TRAF5: variants seen among roughly 807,000 people sequenced by gnomAD.
TRAF5 encodes the protein TNF receptor associated factor 5, also known as TNF receptor-associated factor 5.
A neutral mutation model predicts 64.5 loss-of-function variants in TRAF5; 48 were observed. The observed-to-expected ratio is 0.74, with a 90% CI of 0.59 to 0.95. The LOEUF (loss-of-function observed/expected upper bound fraction) is 0.95, where lower values mean the gene tolerates loss of function less well. Ranked by LOEUF, TRAF5 falls within the 40% of genes least tolerant of loss-of-function variation. TRAF5 has a pLI of 0.00. For synonymous variants in TRAF5, 206 were observed against 240.5 expected, an observed-to-expected ratio of 0.86 and a Z score of 1.33; for missense variants, 545 against 662.8, an observed-to-expected ratio of 0.82 and a Z score of 1.95.
chr1:211,361,099 C>T lies in TRAF5; in HGVS notation c.633C>T (p.His211=), dbSNP rs1356281402. 6.2e-7 allele frequency: 1 copy of T among 1,614,122 alleles called. No individual in the cohort carries two copies. Among genetic ancestry groups the T allele is most frequent in the East Asian group, 2.2e-5 (1 of 44,870 alleles). ...KIILKTEVDE[H]LAVCPEAEQD... ...TATCCATTTCGTAGGTAGATGAACA[C>T]CTGGCTGTATGTCCTGAAGCTGAGC... Residue 211 remains histidine, a synonymous_variant, in exon 7 of 11, where the codon CAC becomes CAT. Transcript: ENST00000261464.
chr1:211,342,860 G>A (rs910738020), intron 1 of TRAF5, among the ~76,000 whole-genome samples: 1 of 152,192 alleles, frequency 6.6e-6, no homozygotes. Context: ...TGAATATTGT[G>A]TATAGGTACC....
Position 211,369,487 on chromosome 1 carries a change from A to G in TRAF5, c.825A>G (p.Glu275=). 1 of 1,610,028 alleles carries G rather than the reference A, an allele frequency of 6.2e-7. No homozygotes were observed. The highest frequency in any genetic ancestry group is 8.5e-7 in the Non-Finnish European group (1 of 1,178,824). Residue 275 remains glutamate, a synonymous_variant, in exon 9 of 11, where the codon GAA becomes GAG. Transcript: ENST00000261464. ...SDLHKSLEQK[E]SKIQQLAETI... ...TACACAAGAGCCTAGAACAGAAAGA[A>G]AGTAAAATCCAGCAGCTAGCAGAAA...
chr1:211,361,935 G>A (rs936788679), intron 7 of TRAF5, among the ~76,000 whole-genome samples: 3 of 151,736 alleles, frequency 2.0e-5, no homozygotes, highest in African/African-American at 4.8e-5. Flanking sequence ...GACCTCAGGC[G>A]ATGCGCCTGC....
intron 3 of TRAF5, among the ~76,000 whole-genome samples, chr1:211,355,661 G>A (rs746252881): frequency 1.3e-5 from 2 of 152,186 alleles, no homozygotes; most frequent in Non-Finnish European, 2.9e-5. Flanking sequence ...CCTGCTACCT[G>A]TTTTTGTATG....
chr1:211,364,977 A>G (rs1361785358), intron 7 of TRAF5, among the ~76,000 whole-genome samples: 1 of 152,116 alleles, frequency 6.6e-6, no homozygotes, highest in East Asian at 1.9e-4. Flanking sequence ...GTTCGAGACC[A>G]GCCTGGCCAA....
chr1:211,357,689 A>G (rs1482138798), intron 4 of TRAF5: 1 of 152,140 alleles, frequency 6.6e-6, no homozygotes, highest in African/African-American at 2.4e-5. Context: ...ATATCAACCA[A>G]TTTTGGAGAA....
At chr1:211,342,920 G>A (rs6540683) in intron 1 of TRAF5, among the ~76,000 whole-genome samples, 44,441 of 152,086 alleles carry the variant, frequency 0.29, 8,164 homozygotes, top group African/African-American at 0.53. Flanking sequence ...GTTGCTTCCA[G>A]ATCTTGGTTC....
At chr1:211,362,199 A>G (rs117736822) in intron 7 of TRAF5, among the ~76,000 whole-genome samples, 4,349 of 152,306 alleles carry the variant, frequency 0.029, 84 homozygotes, top group South Asian at 0.075. Context: ...AATTACACAA[A>G]ATAAAAATAA....
intron 2 of TRAF5, among the ~76,000 whole-genome samples, chr1:211,354,064 A>C (rs1323762275): frequency 6.6e-6 from 1 of 152,204 alleles, no homozygotes; most frequent in Admixed American, 6.5e-5. Context: ...CATGCTGAAG[A>C]GCTACAATGT....
At chr1:211,342,645 C>T (rs184239441) in intron 1 of TRAF5, among the ~76,000 whole-genome samples, 11 of 152,250 alleles carry the variant, frequency 7.2e-5, no homozygotes, top group Admixed American at 5.2e-4. Context: ...CAACACTTCC[C>T]CCACCCCACA....
intron 9 of TRAF5, 46 bp downstream of exon 9, chr1:211,369,638 T>G: frequency 6.7e-7 from 1 of 1,499,818 alleles, no homozygotes; most frequent in Non-Finnish European, 8.9e-7. Context: ...GGCTTTCAAT[T>G]GCAGTGAGAG....
At chr1:211,338,367 C>G (rs931644073) in intron 1 of TRAF5, among the ~76,000 whole-genome samples, 2 of 152,154 alleles carry the variant, frequency 1.3e-5, no homozygotes, top group Non-Finnish European at 2.9e-5. Flanking sequence ...TAGTTTTGTG[C>G]ATATGCATAC....
intron 1 of TRAF5, among the ~76,000 whole-genome samples, chr1:211,344,060 C>G (rs1702520237): frequency 6.6e-6 from 1 of 152,192 alleles, no homozygotes; most frequent in Admixed American, 6.5e-5. Context: ...AAAGTACCAC[C>G]TGGAGTCAGG....
At chr1:211,345,664 G>A (rs1702586362) in intron 1 of TRAF5, among the ~76,000 whole-genome samples, 1 of 152,214 alleles carries the variant, frequency 6.6e-6, no homozygotes, top group Non-Finnish European at 1.5e-5. Context: ...CTGCTCAAGT[G>A]GGTATTAGGC....
chr1:211,372,139 G>C lies in TRAF5; in HGVS notation c.1111G>C (p.Glu371Gln), dbSNP rs2102776582. Reference sequence around the variant, plus strand: ...TTTCTTATTTGCAGCCGTTTTAGAAGAGGAAACTAACAAACATGATACCCA... The same window carrying C: ...TTTCTTATTTGCAGCCGTTTTAGAACAGGAAACTAACAAACATGATACCCA... ...NNDQRLAVLE[E>Q]ETNKHDTHIN... The change falls in exon 11 of 11, where the codon GAG becomes CAG. Residue 371 changes from glutamate (E) to glutamine (Q), a missense_variant. By Grantham distance (29) the Glu-to-Gln change is conservative (BLOSUM62 2). Coordinates refer to ENST00000261464, the MANE Select transcript of TRAF5 (RefSeq NM_001033910.3). 1 of 1,545,668 alleles carries C rather than the reference G, an allele frequency of 6.5e-7. No individual in the cohort carries two copies. Among genetic ancestry groups the C allele is most frequent in the Non-Finnish European group, 8.8e-7 (1 of 1,142,796 alleles).
chr1:211,346,463 C>G, intron 1 of TRAF5: 1 of 983,062 alleles, frequency 1.0e-6, no homozygotes, highest in Non-Finnish European at 1.2e-6. Flanking sequence ...GGTCCTGTGC[C>G]CTTTTCACTC....
intron 1 of TRAF5, among the ~76,000 whole-genome samples, chr1:211,350,208 T>G (rs1702741431): frequency 6.6e-6 from 1 of 151,946 alleles, no homozygotes; most frequent in Admixed American, 6.6e-5. Context: ...AGGCTTTTTT[T>G]TTTTTCTTTC....
At chr1:211,339,768 G>C (rs541688538) in intron 1 of TRAF5, among the ~76,000 whole-genome samples, 6 of 152,306 alleles carry the variant, frequency 3.9e-5, no homozygotes, top group Non-Finnish European at 7.4e-5. Context: ...AGCGTCTCTC[G>C]TCTGCTTCCT....
intron 9 of TRAF5, among the ~76,000 whole-genome samples, chr1:211,370,411 A>ACC (rs1553272796): frequency 1.0e-4 from 14 of 136,088 alleles, no homozygotes; most frequent in African/African-American, 2.1e-4. Flanking sequence ...ACACACACAC[A>ACC]CCCTTCATAT....
Sources: gnomAD v4.1 joint callset for allele counts (sites outside exome capture counted in the v4.1 genomes callset) on GRCh38, gnomAD v4.1.1 for gene constraint, MANE v1.5 for transcripts, NCBI Gene and HGNC (gene_info 2026-07-23, HGNC 2026-07-21) for gene names.